The following GCNT1 variants were observed in gnomAD, a reference collection of about 807,000 sequenced individuals.
GCNT1 encodes glucosaminyl (N-acetyl) transferase 1.
GCNT1 carries 16 observed loss-of-function variants against 26.2 expected under a neutral mutation model. The ratio of observed to expected loss-of-function variants is 0.61; its 90% CI spans 0.41 to 0.93. The LOEUF is 0.93. Among genes scored for constraint, GCNT1 ranks in the 40% least tolerant of loss-of-function variants. The pLI is 0.00. For synonymous variants in GCNT1, 183 were observed against 190.8 expected (o/e 0.96, Z 0.34); for missense variants, 477 against 526.7 (o/e 0.91, Z 0.92).
At chr9:76,477,614 A>G (rs891494870) in intron 2 of GCNT1, among the ~76,000 whole-genome samples, 1 of 152,176 alleles carries the variant, frequency 6.6e-6, no homozygotes, top group Admixed American at 6.5e-5. Context: ...GTAGTAAGAC[A>G]GCTGCATCTT....
chr9:76,430,429 T>A (rs1201210765), intron 1 of GCNT1, among the ~76,000 whole-genome samples: 1 of 152,170 alleles, frequency 6.6e-6, no homozygotes, highest in Non-Finnish European at 1.5e-5. Flanking sequence ...TTGCCCAGGC[T>A]GGAGTGCAGT....
rs563542188 is a variant in GCNT1, at chr9:76,486,011, C to T, written c.-289-14905C>T. Among the ~76,000 whole-genome samples the T allele has an allele frequency of 7.2e-5, 11 of 152,322 alleles. No homozygotes were observed. The East Asian group carries it at 7.7e-4, about 11-fold the overall frequency. ...CCTCCCAAAGTGCTGGGATTATAGG[C>T]GTGAGCCACTGTGCCTGGCCAGATC... On this transcript the variant is annotated intron_variant, in intron 2 of 3. Transcript: ENST00000376730.
chr9:76,467,557 C>T (rs1418656301), intron 2 of GCNT1, among the ~76,000 whole-genome samples: 2 of 152,084 alleles, frequency 1.3e-5, no homozygotes, highest in East Asian at 1.9e-4. Flanking sequence ...TAGGGGGACT[C>T]GTTATTGGTC....
chr9:76,424,294 G>C lies in GCNT1; in HGVS notation n.38+4407G>C, dbSNP rs551560970. 2.0e-5 allele frequency among the ~76,000 whole-genome samples: 3 copies of C among 152,320 alleles called. No homozygotes were observed. The South Asian group carries it at 6.2e-4, about 32-fold the overall frequency. ...TGGGGAAGCAGTCTGTGCAGCAGGA[G>C]CCTGCCTCGGGTGCACATTTGAACT... On this transcript the variant is annotated intron_variant and non_coding_transcript_variant, in intron 1 of 3. Coordinates refer to the GCNT1 transcript ENST00000488136.
chr9:76,408,643 CAT>C, the GCNT1 span, among the ~76,000 whole-genome samples: 1 of 152,076 alleles, frequency 6.6e-6, no homozygotes, highest in Non-Finnish European at 1.5e-5. Context: ...ATGCTGGTCT[CAT>C]AGAATGAGTT....
chr9:76,472,385 A>G (rs1824149465), intron 2 of GCNT1, among the ~76,000 whole-genome samples: 1 of 152,202 alleles, frequency 6.6e-6, no homozygotes, highest in Non-Finnish European at 1.5e-5. Flanking sequence ...CTCCCAAAAA[A>G]GTAGAATTGA....
chr9:76,469,509 CCT>C (rs1285823774), intron 2 of GCNT1, among the ~76,000 whole-genome samples: 1 of 152,168 alleles, frequency 6.6e-6, no homozygotes, highest in Non-Finnish European at 1.5e-5. Context: ...GGGTCCCCTC[CCT>C]TTGTATGGGA....
At chr9:76,413,881 G>T in the GCNT1 span, among the ~76,000 whole-genome samples, 1 of 151,558 alleles carries the variant, frequency 6.6e-6, no homozygotes, top group Non-Finnish European at 1.5e-5. Context: ...GATATTCTGG[G>T]TTTTTTTGTC....
chr9:76,454,366 C>T (rs930651498), upstream of GCNT1, among the ~76,000 whole-genome samples: 4 of 112,718 alleles, frequency 3.5e-5, no homozygotes, highest in African/African-American at 1.4e-4. Flanking sequence ...GCAACAAGAG[C>T]GAAACTCTGT....
chr9:76,463,425 T>C (rs75399483), intron 2 of GCNT1, among the ~76,000 whole-genome samples: 2,638 of 152,296 alleles, frequency 0.017, 67 homozygotes, highest in African/African-American at 0.06. Flanking sequence ...AATGCAAATC[T>C]AAACCGTGAA....
intron 2 of GCNT1, among the ~76,000 whole-genome samples, chr9:76,490,877 G>A (rs532211371): frequency 6.6e-6 from 1 of 152,252 alleles, no homozygotes; most frequent in African/African-American, 2.4e-5. Context: ...TAGATCCCCT[G>A]TAAGGAAACC....
chr9:76,416,052 A>G (rs989719470), upstream of GCNT1, among the ~76,000 whole-genome samples: 6 of 152,032 alleles, frequency 3.9e-5, no homozygotes, highest in South Asian at 2.1e-4. Context: ...CCTAAATGAG[A>G]ACTTCACATC....
At chr9:76,477,462 G>A (rs1462834770) in intron 2 of GCNT1, among the ~76,000 whole-genome samples, 1 of 151,566 alleles carries the variant, frequency 6.6e-6, no homozygotes, top group Non-Finnish European at 1.5e-5. Flanking sequence ...GGAGGCAGAG[G>A]TTGCAGTGAG....
the GCNT1 span, among the ~76,000 whole-genome samples, chr9:76,406,897 C>T: frequency 1.8e-4 from 28 of 151,940 alleles, no homozygotes; most frequent in East Asian, 9.7e-4. Flanking sequence ...AATAATTAGC[C>T]GGGCATGGTG....
chr9:76,396,297 G>A, the GCNT1 span, among the ~76,000 whole-genome samples: 3 of 152,142 alleles, frequency 2.0e-5, no homozygotes, highest in African/African-American at 4.8e-5. Flanking sequence ...TAACCTAAAC[G>A]TATAAAAATG....
At chr9:76,413,668 G>GTTTTTTTTTTTTTTTTTTTTTTTTT in the GCNT1 span, among the ~76,000 whole-genome samples, 28 of 84,182 alleles carry the variant, frequency 3.3e-4, no homozygotes, top group East Asian at 1.1e-3. Context: ...TTTTTTTTTT[G>GTTTTTTTTTTTTTTTTTTTTTTTTT]TTTTTTTTTT....
intron 2 of GCNT1, among the ~76,000 whole-genome samples, chr9:76,490,675 C>T (rs1396545574): frequency 6.6e-6 from 1 of 152,230 alleles, no homozygotes; most frequent in African/African-American, 2.4e-5. Context: ...TAGATGGCTC[C>T]TTCCTGATTC....
chr9:76,483,707 G>A (rs1296989376), intron 2 of GCNT1, among the ~76,000 whole-genome samples: 1 of 152,110 alleles, frequency 6.6e-6, no homozygotes, highest in Non-Finnish European at 1.5e-5. Context: ...ACAGGCACAA[G>A]CCACCACACC....
At chr9:76,447,696 AC>A (rs1242874570) in intron 1 of GCNT1, among the ~76,000 whole-genome samples, 1 of 152,174 alleles carries the variant, frequency 6.6e-6, no homozygotes, top group African/African-American at 2.4e-5. Context: ...CGCAATATTT[AC>A]AAGTCAGTAT....
Sources: gnomAD v4.1 joint callset for allele counts (sites outside exome capture counted in the v4.1 genomes callset) on GRCh38, gnomAD v4.1.1 for gene constraint, MANE v1.5 for transcripts, NCBI Gene and HGNC (gene_info 2026-07-23, HGNC 2026-07-21) for gene names.